SOX6: variants seen among roughly 807,000 people sequenced by gnomAD.
The protein encoded by SOX6 is SRY-box transcription factor 6.
A neutral mutation model predicts 97.8 loss-of-function variants in SOX6; 11 were observed. The observed-to-expected ratio is 0.11, with a 90% CI of 0.07 to 0.19. The LOEUF is 0.19. Among genes scored for constraint, SOX6 ranks in the 10% least tolerant of loss-of-function variants. SOX6 has a pLI of 1.00. For missense variants in SOX6, 810 were observed against 1,039.5 expected (o/e 0.78, Z 3.04); for synonymous variants, 360 against 371.4 (o/e 0.97, Z 0.35).
rs77332287 is a variant in SOX6 at position 16,398,575 on chromosome 11, T to G, written c.-4-57323A>C. Among the ~76,000 whole-genome samples, 21 of 151,592 alleles carry G rather than the reference T, an allele frequency of 1.4e-4. No individual in the cohort carries two copies. The East Asian group carries it at 3.7e-3, about 27-fold the overall frequency. On this transcript the variant is annotated intron_variant, in intron 1 of 15. Transcript: ENST00000396356. Reference sequence around the variant, plus strand: ...CTATACTCCATTATAGAAAAAAAACTAGAATCTGTTCTTTAACTCCACTTG... The same window carrying G: ...CTATACTCCATTATAGAAAAAAAACGAGAATCTGTTCTTTAACTCCACTTG...
At chr11:16,371,482 A>C (rs984239719) in intron 1 of SOX6, among the ~76,000 whole-genome samples, 1 of 151,872 alleles carries the variant, frequency 6.6e-6, no homozygotes, top group African/African-American at 2.4e-5. Context: ...TTTAAAAAAA[A>C]ATAAATTGCC....
chr11:16,450,335 A>G (rs961737759), intron 1 of SOX6, among the ~76,000 whole-genome samples: 3 of 152,230 alleles, frequency 2.0e-5, no homozygotes, highest in African/African-American at 7.2e-5. Context: ...GGAAGCATGC[A>G]TTAACAAATG....
chr11:15,988,001 CAT>C (rs374127976), intron 14 of SOX6, among the ~76,000 whole-genome samples: 2 of 152,124 alleles, frequency 1.3e-5, no homozygotes, highest in Non-Finnish European at 2.9e-5. Flanking sequence ...AGTGACAAAA[CAT>C]GTGTATCTGT....
chr11:16,643,902 ACTGCACCCACTGTC>A (rs1233748243), intron 3 of SOX6, among the ~76,000 whole-genome samples: 3 of 152,314 alleles, frequency 2.0e-5, no homozygotes, highest in South Asian at 2.1e-4. Context: ...CACTCGGTGC[ACTGCACCCACTGTC>A]CTGCACCCAC....
chr11:16,660,978 C>T lies in SOX6; in HGVS notation n.430-48718G>A, dbSNP rs1242384655. ...AATTAGATCTAGTTAGCTGAGAGTG[C>T]TATTCAGTTCAACTATACCCTTGCT... On this transcript the variant is annotated intron_variant and non_coding_transcript_variant, in intron 3 of 5. Transcript: ENST00000524520. Among the ~76,000 whole-genome samples the T allele has an allele frequency of 3.9e-5, 6 of 152,178 alleles. No individual in the cohort carries two copies. The East Asian group carries it at 9.6e-4, about 24-fold the overall frequency.
chr11:16,506,055 G>A (rs1395913036), intron 4 of SOX6, among the ~76,000 whole-genome samples: 4 of 152,222 alleles, frequency 2.6e-5, no homozygotes, highest in Non-Finnish European at 1.5e-5. Flanking sequence ...TCCCTGCTGG[G>A]GCATGGCCTA....
intron 1 of SOX6, among the ~76,000 whole-genome samples, chr11:16,427,900 G>A (rs1316721011): frequency 6.6e-5 from 10 of 151,536 alleles, no homozygotes; most frequent in East Asian, 3.9e-4. Flanking sequence ...CTGAGGAATC[G>A]CCACACTGAC....
At chr11:16,035,315 T>A (rs1349393323) in intron 12 of SOX6, among the ~76,000 whole-genome samples, 1 of 152,190 alleles carries the variant, frequency 6.6e-6, no homozygotes, top group Admixed American at 6.5e-5. Flanking sequence ...ACTGTGTGAA[T>A]GTAGGAAAAT....
At chr11:16,017,039 T>C (rs957473727) in intron 12 of SOX6, among the ~76,000 whole-genome samples, 2 of 152,070 alleles carry the variant, frequency 1.3e-5, no homozygotes, top group African/African-American at 4.8e-5. Flanking sequence ...CCTGAAAGAA[T>C]ATCAATATTT....
intron 3 of SOX6, among the ~76,000 whole-genome samples, chr11:16,695,241 G>C (rs1173110220): frequency 6.6e-6 from 1 of 152,174 alleles, no homozygotes; most frequent in Non-Finnish European, 1.5e-5. Context: ...CTGCTGTACT[G>C]AGACAGATTG....
At chr11:16,490,173 C>G (rs769960958) in intron 4 of SOX6, among the ~76,000 whole-genome samples, 1 of 152,006 alleles carries the variant, frequency 6.6e-6, no homozygotes, top group Non-Finnish European at 1.5e-5. Context: ...CTACTCAACT[C>G]TGCCATCATA....
At chr11:16,325,214 A>G (rs750118566) in intron 2 of SOX6, among the ~76,000 whole-genome samples, 3 of 152,134 alleles carry the variant, frequency 2.0e-5, no homozygotes, top group African/African-American at 7.2e-5. Context: ...GAAGTCATAG[A>G]AATAATTTAT....
intron 3 of SOX6, among the ~76,000 whole-genome samples, chr11:16,275,448 T>C (rs546283161): frequency 2.2e-4 from 33 of 152,114 alleles, no homozygotes; most frequent in African/African-American, 7.5e-4. Context: ...AGAGCGAGAC[T>C]CAGTCTCAAA....
At chr11:16,522,329 T>C (rs949076951) in intron 4 of SOX6, among the ~76,000 whole-genome samples, 4 of 152,112 alleles carry the variant, frequency 2.6e-5, no homozygotes, top group African/African-American at 9.7e-5. Flanking sequence ...CAATATTCAA[T>C]ATTCTTAAAG....
chr11:16,533,986 A>G (rs1009295083), intron 4 of SOX6, among the ~76,000 whole-genome samples: 1 of 152,134 alleles, frequency 6.6e-6, no homozygotes, highest in Admixed American at 6.5e-5. Flanking sequence ...TCTCAAAAGC[A>G]CATAAAGTTT....
chr11:16,241,318 G>T (rs1853188131), intron 3 of SOX6, among the ~76,000 whole-genome samples: 2 of 151,934 alleles, frequency 1.3e-5, no homozygotes, highest in South Asian at 2.1e-4. Context: ...GTATCTTATT[G>T]CCCAGGAGGC....
Position 16,716,867 on chromosome 11 carries a change from T to A in SOX6, n.354-1962A>T, listed in dbSNP as rs532970683. 2.0e-5 allele frequency among the ~76,000 whole-genome samples: 3 copies of A among 152,096 alleles called. No individual in the cohort carries two copies. The East Asian group carries it at 5.8e-4, about 29-fold the overall frequency. On this transcript the variant is annotated intron_variant and non_coding_transcript_variant, in intron 2 of 5. Coordinates refer to the SOX6 transcript ENST00000524520. ...AAAACAGAAAAAAATTAATTTATGA[T>A]CTTAGAAGTCAGGATAGTTACCTTT...
At chr11:16,361,656 T>C (rs1307817735) in intron 1 of SOX6, among the ~76,000 whole-genome samples, 2 of 152,088 alleles carry the variant, frequency 1.3e-5, no homozygotes, top group Non-Finnish European at 2.9e-5. Flanking sequence ...CCCAGAAACA[T>C]GTAATCCTGA....
At chr11:16,684,843 A>G (rs1413373551) in intron 3 of SOX6, among the ~76,000 whole-genome samples, 1 of 152,206 alleles carries the variant, frequency 6.6e-6, no homozygotes, top group African/African-American at 2.4e-5. Flanking sequence ...TTGTGTCACA[A>G]TTCTGCAGGC....
Sources: gnomAD v4.1 joint callset for allele counts (sites outside exome capture counted in the v4.1 genomes callset) on GRCh38, gnomAD v4.1.1 for gene constraint, MANE v1.5 for transcripts, NCBI Gene and HGNC (gene_info 2026-07-23, HGNC 2026-07-21) for gene names.